The following CPEB2 variants were observed in gnomAD, a reference collection of about 807,000 sequenced individuals.
CPEB2 encodes the protein cytoplasmic polyadenylation element-binding protein 2.
A neutral mutation model predicts 93.6 loss-of-function variants in CPEB2; 56 were observed. That is an observed-to-expected ratio of 0.60 (90% confidence interval 0.48 to 0.75). The LOEUF is 0.75. Ranked by LOEUF, CPEB2 falls within the 30% of genes least tolerant of loss-of-function variation. The pLI is 0.00. For missense variants in CPEB2, 1,579 were observed against 1,395.1 expected, an observed-to-expected ratio of 1.13 and a Z score of -2.10; for synonymous variants, 764 against 586.3, an observed-to-expected ratio of 1.30 and a Z score of -4.38.
chr4:15,054,463 G>T (rs920683203), intron 8 of CPEB2, among the ~76,000 whole-genome samples: 1 of 152,030 alleles, frequency 6.6e-6, no homozygotes, highest in Non-Finnish European at 1.5e-5. Context: ...GAAGTGATTG[G>T]TCTTTCATAA....
At chr4:15,018,053 A>G (rs1414221444) in intron 4 of CPEB2, among the ~76,000 whole-genome samples, 1 of 151,918 alleles carries the variant, frequency 6.6e-6, no homozygotes, top group Admixed American at 6.6e-5. Context: ...TAAAAACAGC[A>G]ATAAATATTT....
At chr4:15,024,154 G>T (rs1348771719) in intron 4 of CPEB2, among the ~76,000 whole-genome samples, 2 of 151,396 alleles carry the variant, frequency 1.3e-5, no homozygotes, top group Admixed American at 6.6e-5. Context: ...CATCCAGATT[G>T]TTTTTTTTCA....
chr4:15,056,081 G>A (rs548182099), intron 8 of CPEB2, among the ~76,000 whole-genome samples: 4 of 152,134 alleles, frequency 2.6e-5, no homozygotes, highest in African/African-American at 7.2e-5. Flanking sequence ...TTCTTTCAAT[G>A]GTCTGTAAAA....
chr4:15,062,830 A>G (rs1729323868), intron 11 of CPEB2, among the ~76,000 whole-genome samples: 1 of 152,086 alleles, frequency 6.6e-6, no homozygotes, highest in Non-Finnish European at 1.5e-5. Flanking sequence ...TTTTTTTAGT[A>G]GCATTGCTTG....
At chr4:15,057,836 T>C (rs1222232886) in intron 8 of CPEB2, among the ~76,000 whole-genome samples, 3 of 152,156 alleles carry the variant, frequency 2.0e-5, no homozygotes, top group Non-Finnish European at 4.4e-5. Context: ...GCTTTCTTAG[T>C]ATCATTGGGA....
At chr4:15,031,259 AT>A (rs1430559685) in intron 4 of CPEB2, among the ~76,000 whole-genome samples, 2 of 151,512 alleles carry the variant, frequency 1.3e-5, no homozygotes, top group East Asian at 3.9e-4. Context: ...ACAGGTTGCC[AT>A]TTTGTAGGAG....
At chr4:15,018,137 CATT>C (rs1351704302) in intron 4 of CPEB2, among the ~76,000 whole-genome samples, 1 of 151,830 alleles carries the variant, frequency 6.6e-6, no homozygotes, top group East Asian at 1.9e-4. Context: ...CAAAATCTCT[CATT>C]GAATCAAAAT....
In CPEB2 at chr4:15,004,061, C is replaced by T. The variant is rs1722424648; in HGVS notation, c.1388C>T (p.Pro463Leu). 6.4e-7 allele frequency: 1 copy of T among 1,567,700 alleles called. No homozygotes were observed. Among genetic ancestry groups the T allele is most frequent in the Non-Finnish European group, 8.6e-7 (1 of 1,159,718 alleles). Residue 463 changes from proline (P) to leucine (L), a missense_variant, in exon 1 of 12, where the codon CCT (proline) becomes CTT (leucine). Transcript: ENST00000538197. Reference sequence around the variant, plus strand: ...TCGTCCATGAACCCGGCCTTCTTCCCTAGCTTCTCGCCCGTGTCGCCGCAC... The same window carrying T: ...TCGTCCATGAACCCGGCCTTCTTCCTTAGCTTCTCGCCCGTGTCGCCGCAC... ...LPSSMNPAFFPSFSPVSPHGC... is the reference protein window; with the variant it reads ...LPSSMNPAFFLSFSPVSPHGC...
chr4:15,012,085 C>G (rs1209373826), intron 3 of CPEB2, among the ~76,000 whole-genome samples: 2 of 152,122 alleles, frequency 1.3e-5, no homozygotes, highest in African/African-American at 4.8e-5. Flanking sequence ...CATACCAAAC[C>G]CAATTTGTTT....
chr4:15,014,884 T>G (rs1723933737), intron 3 of CPEB2, among the ~76,000 whole-genome samples: 1 of 152,086 alleles, frequency 6.6e-6, no homozygotes, highest in Non-Finnish European at 1.5e-5. Context: ...TTCCTAAAAT[T>G]AATATGTCAT....
At chr4:15,044,791 T>A (rs1259915618) in intron 6 of CPEB2, among the ~76,000 whole-genome samples, 1 of 152,186 alleles carries the variant, frequency 6.6e-6, no homozygotes. Context: ...AGTAACCACC[T>A]ATAACTTCTC....
At chr4:15,059,080 C>T in intron 9 of CPEB2, 107 bp from the exon 10 acceptor site, 1 of 587,094 alleles carries the variant, frequency 1.7e-6, no homozygotes, top group Non-Finnish European at 3.0e-6. Context: ...TCCCACTATA[C>T]AAATTTTTAA....
Position 15,067,937 on chromosome 4 carries a change from C to CA in CPEB2, c.*1558dup, listed in dbSNP as rs1729818221. The CA allele has an allele frequency of 6.6e-6, 1 of 152,220 alleles. No individual in the cohort carries two copies. Among genetic ancestry groups the CA allele is most frequent in the South Asian group, 2.1e-4 (1 of 4,832 alleles). The allele number at this position is 152,220 out of a possible 1,614,324, so 9.4% of individuals were successfully genotyped here. A position where few individuals can be genotyped will look rare whatever the true frequency, so the allele number is the denominator to read the frequency against. On this transcript the variant is annotated 3_prime_UTR_variant, in exon 12 of 12. Transcript: ENST00000538197. ...TTTGAGAAAGTGGCATGGAAACATG[C>CA]AGTAGTTAATGAGTTTCTCTTGGTA...
At chr4:15,061,586 G>A (rs1172912256) in intron 10 of CPEB2, among the ~76,000 whole-genome samples, 1 of 151,286 alleles carries the variant, frequency 6.6e-6, no homozygotes, top group Non-Finnish European at 1.5e-5. Flanking sequence ...GGGAATACTG[G>A]AACAGATTTT....
chr4:15,004,373 G>A (rs532898648), intron 1 of CPEB2, 38 bp downstream of exon 1: 2 of 1,377,252 alleles, frequency 1.5e-6, no homozygotes, highest in African/African-American at 3.1e-5. Flanking sequence ...CGCGGGACCG[G>A]GAGACCATGG....
intron 4 of CPEB2, among the ~76,000 whole-genome samples, chr4:15,029,907 T>C (rs540652411): frequency 6.6e-6 from 1 of 152,206 alleles, no homozygotes; most frequent in Admixed American, 6.5e-5. Flanking sequence ...TTCCCAGAAA[T>C]TGCACGTACC....
Position 15,004,133 on chromosome 4 carries a change from G to GCTTCGGCGGCCC in CPEB2, c.1465_1476dup (p.Gly489_Phe492dup). 6.7e-7 allele frequency: 1 copy of GCTTCGGCGGCCC among 1,499,488 alleles called. No individual in the cohort carries two copies. The highest frequency in any genetic ancestry group is 2.8e-5 in the East Asian group (1 of 35,226). The allele number at this position is 1,499,488 out of a possible 1,614,324, so 92.9% of individuals were successfully genotyped here. A position where few individuals can be genotyped will look rare whatever the true frequency, so the allele number is the denominator to read the frequency against. On this transcript the variant is annotated inframe_insertion, in exon 1 of 12. Coordinates refer to ENST00000538197, the MANE Select transcript of CPEB2 (RefSeq NM_001177382.2). The stretch of plus-strand genomic sequence containing the variant: ...CCGACGAGCGGCGGCGGCGGCGGCG[G>GCTTCGGCGGCCC]CTTCGGCGGCCCCTTCTCGGCTACC...
chr4:15,059,138 T>G lies in CPEB2; in HGVS notation c.2581-49T>G, dbSNP rs762292118. On this transcript the variant is annotated intron_variant, in intron 9 of 11. Coordinates refer to ENST00000538197, the MANE Select transcript of CPEB2 (RefSeq NM_001177382.2). Reference sequence around the variant, plus strand: ...CTGGCAAAAACAAACAAACAGAAAATTCTCATAAGACATCAAGGGAGTAAG... The same window carrying G: ...CTGGCAAAAACAAACAAACAGAAAAGTCTCATAAGACATCAAGGGAGTAAG... 4.5e-6 allele frequency: 5 copies of G among 1,103,034 alleles called. No individual in the cohort carries two copies. In the African/African-American group the frequency reaches 6.3e-5, roughly 14 times the overall value. The allele number at this position is 1,103,034 out of a possible 1,614,324, so 68.3% of individuals were successfully genotyped here.
chr4:15,060,829 G>T (rs1271865339), intron 10 of CPEB2, among the ~76,000 whole-genome samples: 1 of 152,100 alleles, frequency 6.6e-6, no homozygotes, highest in Non-Finnish European at 1.5e-5. Flanking sequence ...GAGAGATAAG[G>T]TTATTGCCAT....
Sources: allele counts gnomAD v4.1 joint callset (sites outside exome capture counted in the v4.1 genomes callset), GRCh38; gene constraint gnomAD v4.1.1; transcripts MANE v1.5; gene names NCBI Gene and HGNC (gene_info 2026-07-23, HGNC 2026-07-21).